The following RPL8 variants were observed in gnomAD, a reference collection of about 807,000 sequenced individuals.
The protein encoded by RPL8 is ribosomal protein L8.
For missense variants in RPL8, 248 were observed against 365.9 expected (o/e 0.68, Z 2.63); for synonymous variants, 182 against 143.2 (o/e 1.27, Z -1.94).
At position 144,790,286 on chromosome 8, in the gene RPL8, G is replaced by A. The variant is rs1455303901; in HGVS notation, c.615+69C>T. 1.4e-5 allele frequency: 19 copies of A among 1,314,806 alleles called. 1 individual carries two copies. Among genetic ancestry groups the A allele is most frequent in the South Asian group, 1.1e-4 (9 of 82,798 alleles). 81.4% of individuals were successfully genotyped at this position (1,314,806 alleles called of 1,614,324 possible). A position where few individuals can be genotyped will look rare whatever the true frequency, so the allele number is the denominator to read the frequency against. On this transcript the variant is annotated intron_variant, in intron 4 of 4. Coordinates refer to ENST00000528957, the MANE Select transcript of RPL8 (RefSeq NM_001317782.2). ...CCTCCTGCAGGGACACCTGTGGATG[G>A]GACTTGCCTACCCAACAGTGTGGCC...
At chr8:144,791,019 C>G (rs1563800236) in intron 3 of RPL8, 1 of 542,502 alleles carries the variant, frequency 1.8e-6, no homozygotes, top group Non-Finnish European at 3.3e-6. Context: ...AATCAGGAAG[C>G]CCACGGTAGA....
intron 3 of RPL8, chr8:144,790,962 C>T (rs546430182): frequency 2.0e-4 from 94 of 470,610 alleles, no homozygotes; most frequent in South Asian, 1.9e-3. Flanking sequence ...ACAATCTCTC[C>T]CTGCCTTCTC....
At chr8:144,790,504 G>A (rs1305237201) in intron 3 of RPL8, 34 bp from the exon 4 acceptor site, 1 of 1,518,928 alleles carries the variant, frequency 6.6e-7, no homozygotes, top group African/African-American at 1.4e-5. Context: ...GGAACCCCCA[G>A]TCGGTCAGAG....
intron 1 of RPL8, 22 bp downstream of exon 1, chr8:144,791,970 C>T (rs748367262): frequency 6.2e-7 from 1 of 1,609,420 alleles, no homozygotes; most frequent in South Asian, 1.1e-5. Flanking sequence ...CTTCCCCTCC[C>T]GCCCCGGCCA....
At chr8:144,791,664 C>A (rs770757194) in intron 2 of RPL8, 109 bp downstream of exon 2, 1 of 1,560,396 alleles carries the variant, frequency 6.4e-7, no homozygotes, top group African/African-American at 1.3e-5. Context: ...GATGTCCCCA[C>A]CTGAAGCTTC....
Position 144,789,887 on chromosome 8 carries a change from C to T in RPL8, c.691G>A (p.Ala231Thr). 3 of 1,613,422 alleles carry T rather than the reference C, an allele frequency of 1.9e-6. No individual in the cohort carries two copies. The highest frequency in any genetic ancestry group is 2.5e-6 in the Non-Finnish European group (3 of 1,179,850). Residue 231 changes from alanine (A) to threonine (T), a missense_variant, in exon 5 of 5, where the codon GCT becomes ACT. Transcript: ENST00000528957. ...KPSTIRRDAP[A>T]GRKVGLIAAR... is the part of the protein sequence containing the mutation. ...GCAATGAGACCCACTTTGCGGCCAGCAGGGGCATCTCTGCGGATGGTGGAG... is the reference window on the plus strand; with the variant it reads ...GCAATGAGACCCACTTTGCGGCCAGTAGGGGCATCTCTGCGGATGGTGGAG...
At chr8:144,790,723 C>A (rs1477815043) in intron 3 of RPL8, 3 of 667,526 alleles carry the variant, frequency 4.5e-6, no homozygotes, top group African/African-American at 1.8e-5. Context: ...CAGGGAAGCA[C>A]CCCCCTCACC....
Position 144,792,253 on chromosome 8 carries a change from C to G in RPL8, c.-124G>C. 1.5e-6 allele frequency: 2 copies of G among 1,310,722 alleles called. No individual in the cohort carries two copies. Among genetic ancestry groups the G allele is most frequent in the Non-Finnish European group, 9.8e-7 (1 of 1,020,748 alleles). 81.2% of individuals were successfully genotyped at this position (1,310,722 alleles called of 1,614,324 possible). ...CGCCCACCACTCCCTACCCTCTCCG[C>G]GGGCGCCCGCACCGGCATCCTCTCA... On this transcript the variant is annotated 5_prime_UTR_variant, in exon 1 of 5. Coordinates refer to ENST00000528957, the MANE Select transcript of RPL8 (RefSeq NM_001317782.2).
Position 144,791,848 on chromosome 8 carries a change from A to G in RPL8, c.205T>C (p.Phe69Leu). 1 of 1,613,754 alleles carries G rather than the reference A, an allele frequency of 6.2e-7. No individual in the cohort carries two copies. ...AKVVFRDPYR[F>L]KKRTELFIAA... ...ATGAACAGCTCCGTCCGCTTCTTAA[A>G]CCGATACGGATCCCGGAAGACCACC... is the stretch of plus-strand genomic sequence containing the variant. The change falls in exon 2 of 5, where the codon TTT becomes CTT. Residue 69 changes from phenylalanine to leucine, a missense_variant. Coordinates refer to ENST00000528957, the MANE Select transcript of RPL8 (RefSeq NM_001317782.2).
chr8:144,792,315 G>A lies in RPL8; in HGVS notation c.-186C>T, dbSNP rs1826566279. ...CCGGGTCTCAGCGCGCCTCACGGAA[G>A]AGGATGGCGGCGGATACTGCCCATG... On this transcript the variant is annotated 5_prime_UTR_variant, in exon 1 of 5. Transcript: ENST00000528957. The A allele has an allele frequency of 3.3e-6, 3 of 916,206 alleles. No individual in the cohort carries two copies. Among genetic ancestry groups the A allele is most frequent in the South Asian group, 2.8e-5 (1 of 36,234 alleles). The allele number at this position is 916,206 out of a possible 1,614,324, so 56.8% of individuals were successfully genotyped here.
chr8:144,791,011 T>A, intron 3 of RPL8: 1 of 531,992 alleles, frequency 1.9e-6, no homozygotes, highest in African/African-American at 1.9e-5. Flanking sequence ...AGTGCAGCAA[T>A]CAGGAAGCCC....
At position 144,792,381 on chromosome 8, in the gene RPL8, G is replaced by T; in HGVS notation, c.-252C>A. On this transcript the variant is annotated 5_prime_UTR_variant, in exon 1 of 5. Coordinates refer to ENST00000528957, the MANE Select transcript of RPL8 (RefSeq NM_001317782.2). ...GATGACCTACCTGTTCACCAGCGCG[G>T]CCGAAAGAGGAAACACGGCGTCAGC... 2 of 660,772 alleles carry T rather than the reference G, an allele frequency of 3.0e-6. No homozygotes were observed. Among genetic ancestry groups the T allele is most frequent in the Non-Finnish European group, 4.3e-6 (2 of 466,522 alleles). The allele number at this position is 660,772 out of a possible 1,614,324, so 40.9% of individuals were successfully genotyped here.
At chr8:144,791,691 A>C in intron 2 of RPL8, 82 bp downstream of exon 2, 2 of 1,592,164 alleles carry the variant, frequency 1.3e-6, no homozygotes, top group Non-Finnish European at 1.7e-6. Context: ...CGAGGTTCCC[A>C]TATCGGCTTA....
intron 3 of RPL8, 100 bp from the exon 4 acceptor site, chr8:144,790,570 T>C: frequency 1.1e-6 from 1 of 929,718 alleles, no homozygotes; most frequent in Non-Finnish European, 1.8e-6. Context: ...TGCATCCAAC[T>C]ACCCAGCAAA....
chr8:144,790,143 G>A (rs112737254), intron 4 of RPL8, among the ~76,000 whole-genome samples, 181 bp from the exon 5 acceptor site: 1,901 of 151,264 alleles, frequency 0.013, 29 homozygotes, highest in African/African-American at 0.044. Context: ...CCCAGCCTCC[G>A]TTTCTTGCGG....
intron 2 of RPL8, 132 bp downstream of exon 2, chr8:144,791,641 G>A: frequency 6.6e-7 from 1 of 1,506,508 alleles, no homozygotes; most frequent in South Asian, 1.2e-5. Context: ...GTGGCCACTG[G>A]TCTGGCCACG....
chr8:144,791,520 C>T (rs368075674), intron 2 of RPL8, 25 bp from the exon 3 acceptor site: 2 of 1,609,384 alleles, frequency 1.2e-6, no homozygotes, highest in Admixed American at 1.7e-5. Context: ...AGCATCAGGC[C>T]GTCAGCACAG....
intron 3 of RPL8, 48 bp from the exon 4 acceptor site, chr8:144,790,518 C>A (rs1275874091): frequency 1.5e-6 from 2 of 1,375,308 alleles, no homozygotes; most frequent in South Asian, 2.3e-5. Context: ...GTCAGAGCAC[C>A]CCCACCTCCC....
At position 144,791,314 on chromosome 8, in the gene RPL8, G is replaced by C. The variant is rs866094077; in HGVS notation, c.462C>G (p.Ser154=). The change falls in exon 3 of 5, where the codon TCC becomes TCG. Residue 154 remains serine (S), a synonymous_variant. Transcript: ENST00000528957. ...TGTTGGCTGAGGAGATAACCTTCTT[G>C]GAGCCGGAGGGCAGCTTCACACGGG... ...KKTRVKLPSG[S]KKVISSANRA... 10 of 1,612,242 alleles carry C rather than the reference G, an allele frequency of 6.2e-6. No homozygotes were observed. Among genetic ancestry groups the C allele is most frequent in the Non-Finnish European group, 7.6e-6 (9 of 1,179,898 alleles).
Sources: allele counts gnomAD v4.1 joint callset (sites outside exome capture counted in the v4.1 genomes callset), GRCh38; gene constraint gnomAD v4.1.1; transcripts MANE v1.5; gene names NCBI Gene and HGNC (gene_info 2026-07-23, HGNC 2026-07-21).